The following PDE4C variants were observed in gnomAD, a reference collection of about 807,000 sequenced individuals.
The protein encoded by PDE4C is 3',5'-cyclic-AMP phosphodiesterase 4C.
PDE4C carries 50 observed loss-of-function variants against 63.9 expected under a neutral mutation model. That is an observed-to-expected ratio of 0.78 (90% CI 0.62 to 0.99). The LOEUF (loss-of-function observed/expected upper bound fraction) is 0.99. PDE4C is among the 50% of genes least tolerant of loss of function. The pLI, the probability that PDE4C is intolerant of heterozygous loss-of-function variation, is 0.00. For missense variants in PDE4C, 777 were observed against 899.1 expected (o/e 0.86, Z 1.74); for synonymous variants, 377 against 385.1 (o/e 0.98, Z 0.25).
exon 1 of PDE4C, chr19:18,233,107 G>A (rs1311686793): frequency 6.4e-7 from 1 of 1,567,988 alleles, no homozygotes; most frequent in Non-Finnish European, 8.6e-7. Context: ...AGGTGCTTCG[G>A]GGCTCTGGTC....
chr19:18,234,971 G>T (rs1468644738), upstream of PDE4C, among the ~76,000 whole-genome samples: 1 of 152,144 alleles, frequency 6.6e-6, no homozygotes, highest in Non-Finnish European at 1.5e-5. Flanking sequence ...ATGGTCACTG[G>T]CTGGCTCTGT....
At chr19:18,248,752 C>T (rs1485548106), upstream of PDE4C, among the ~76,000 whole-genome samples, 1 of 151,990 alleles carries the variant, frequency 6.6e-6, no homozygotes, top group African/African-American at 2.4e-5. Flanking sequence ...TGGCTGGGCG[C>T]GGTGGCTCAC....
At chr19:18,218,215 G>A in exon 11 of PDE4C, 1 of 1,614,230 alleles carries the variant, frequency 6.2e-7, no homozygotes, top group South Asian at 1.1e-5. Flanking sequence ...CTTGCAAAGA[G>A]GGCAGCCAGG....
intron 11 of PDE4C, 148 bp from the exon 12 acceptor site, chr19:18,217,043 C>T (rs954593112): frequency 2.8e-5 from 23 of 814,458 alleles, no homozygotes; most frequent in Non-Finnish European, 4.3e-5. Flanking sequence ...CATCCAGGTC[C>T]CTGGCGCTTC....
chr19:18,246,636 G>A (rs904480212), intron 1 of PDE4C, among the ~76,000 whole-genome samples: 24 of 151,982 alleles, frequency 1.6e-4, no homozygotes, highest in Admixed American at 1.5e-3. Context: ...ACACAAAAAC[G>A]CTGAGTTCTG....
chr19:18,236,088 A>G (rs1376068995), upstream of PDE4C, among the ~76,000 whole-genome samples: 1 of 147,818 alleles, frequency 6.8e-6, no homozygotes, highest in African/African-American at 2.5e-5. Flanking sequence ...GACTACAGGC[A>G]CCCGCCACTA....
At chr19:18,244,576 G>A (rs1038314318) in intron 1 of PDE4C, among the ~76,000 whole-genome samples, 3 of 151,752 alleles carry the variant, frequency 2.0e-5, no homozygotes, top group Admixed American at 1.3e-4. Context: ...GCAATGACGC[G>A]ATCTTGGCTC....
intron 1 of PDE4C, among the ~76,000 whole-genome samples, chr19:18,240,835 C>T (rs1047323561): frequency 6.6e-6 from 1 of 152,158 alleles, no homozygotes; most frequent in African/African-American, 2.4e-5. Context: ...GTGAGTTGAA[C>T]TTGAACTTCT....
In PDE4C at chr19:18,226,354, C is replaced by T; in HGVS notation, c.62G>A (p.Arg21His). The T allele has an allele frequency of 3.3e-6, 5 of 1,518,996 alleles. No individual in the cohort carries two copies. In the African/African-American group the frequency reaches 5.7e-5, roughly 17 times the overall value. 94.1% of individuals were successfully genotyped at this position (1,518,996 alleles called of 1,614,324 possible). The stretch of plus-strand genomic sequence containing the variant: ...CTTCCTGAAGAGCCCGGGGGAGCCG[C>T]GCGGGGATCCCCGAGGGGAGCCGGG... The change falls in exon 1 of 15, where the codon CGC becomes CAC. Residue 21 changes from arginine (R) to histidine (H), a missense_variant. This residue lies in a region of PDE4C where 249 missense variants were observed against 247.8 expected (regional missense o/e 1.00). Coordinates refer to ENST00000262805, the Ensembl canonical transcript of PDE4C.
rs1355944334 is a variant in PDE4C at position 18,220,298 on chromosome 19, C to G, written c.634G>C (p.Glu212Gln). The G allele has an allele frequency of 8.1e-6, 13 of 1,614,116 alleles. No homozygotes were observed. Among genetic ancestry groups the G allele is most frequent in the African/African-American group, 1.3e-5 (1 of 75,048 alleles). Residue 212 changes from glutamate (E) to glutamine (Q), a missense_variant, in exon 7 of 15, where the codon GAG becomes CAG. Coordinates refer to ENST00000262805, the Ensembl canonical transcript of PDE4C. This position sits in a 1 kb window ranked among gnomAD's most constrained non-coding sequence, Gnocchi z 5.1. ...CTGGTTTCGGACAGGTGGGTCAACT[C>G]CCGGTTCAGGATCCGCTTGAACTGG... is the stretch of plus-strand genomic sequence containing the variant.
the PDE4C span, among the ~76,000 whole-genome samples, chr19:18,254,968 G>A: frequency 3.3e-5 from 5 of 152,260 alleles, no homozygotes; most frequent in Non-Finnish European, 5.9e-5. Context: ...GAGGCCATCT[G>A]TGGCCTCCAG....
exon 2 of PDE4C, chr19:18,222,221 C>T (rs1377657347): frequency 6.2e-7 from 1 of 1,614,150 alleles, no homozygotes; most frequent in Admixed American, 1.7e-5. Flanking sequence ...ACTCGCGCCG[C>T]TGGCTGTGCG....
At chr19:18,228,585 G>A (rs1968789504), upstream of PDE4C, among the ~76,000 whole-genome samples, 4 of 152,196 alleles carry the variant, frequency 2.6e-5, no homozygotes, top group South Asian at 2.1e-4. Context: ...TCCCAGGGGC[G>A]AGTCTCACAT....
exon 1 of PDE4C, chr19:18,226,470 G>C: frequency 7.6e-7 from 1 of 1,322,162 alleles, no homozygotes. Context: ...ACCTTTTCTG[G>C]ACAGCTGCGG....
chr19:18,211,100 G>A, exon 15 of PDE4C: 1 of 1,614,158 alleles, frequency 6.2e-7, no homozygotes, highest in East Asian at 2.2e-5. Flanking sequence ...GTTCAAACTG[G>A]AATCTGTCAG....
intron 1 of PDE4C, 68 bp from the exon 2 acceptor site, chr19:18,222,391 T>C (rs1040346560): frequency 2.8e-6 from 4 of 1,429,066 alleles, no homozygotes; most frequent in Non-Finnish European, 3.8e-6. Context: ...GTGGCCACCT[T>C]GTCTGGTGCG....
At chr19:18,245,563 T>C (rs1969115072) in intron 1 of PDE4C, among the ~76,000 whole-genome samples, 1 of 152,202 alleles carries the variant, frequency 6.6e-6, no homozygotes, top group Non-Finnish European at 1.5e-5. Flanking sequence ...CAGCTGCTTG[T>C]TTCCATCCAT....
the PDE4C span, among the ~76,000 whole-genome samples, chr19:18,254,674 C>T: frequency 5.9e-5 from 9 of 152,314 alleles, no homozygotes; most frequent in Non-Finnish European, 1.0e-4. Context: ...TGGGGTAGGA[C>T]ACCGGTCAGA....
chr19:18,217,043 C>A, intron 11 of PDE4C, 148 bp from the exon 12 acceptor site: 1 of 814,574 alleles, frequency 1.2e-6, no homozygotes. Flanking sequence ...CATCCAGGTC[C>A]CTGGCGCTTC....
Sources: allele counts gnomAD v4.1 joint callset (sites outside exome capture counted in the v4.1 genomes callset), GRCh38; gene constraint gnomAD v4.1.1; regional missense constraint gnomAD v4.1.1; non-coding constraint Gnocchi (gnomAD v3.1); transcripts MANE v1.5; gene names NCBI Gene and HGNC (gene_info 2026-07-23, HGNC 2026-07-21).